The following DSCAML1 variants were observed in gnomAD, a reference collection of about 807,000 sequenced individuals.
DSCAML1 encodes the protein DS cell adhesion molecule like 1.
A neutral mutation model predicts 200.5 loss-of-function variants in DSCAML1; 38 were observed. The observed-to-expected ratio is 0.19, with a 90% CI of 0.15 to 0.25. The LOEUF is 0.25. DSCAML1 is among the 10% of genes least tolerant of loss of function. The pLI is 1.00. For synonymous variants in DSCAML1, 1,215 were observed against 1,165.0 expected, an observed-to-expected ratio of 1.04 and a Z score of -0.87; for missense variants, 2,223 against 2,858.8, an observed-to-expected ratio of 0.78 and a Z score of 5.07.
chr11:117,543,021 G>A (rs760886546), intron 3 of DSCAML1, among the ~76,000 whole-genome samples: 9 of 152,218 alleles, frequency 5.9e-5, no homozygotes, highest in South Asian at 2.1e-4. Context: ...TCATTCTTCC[G>A]ATGGAGGCTT....
At chr11:117,637,940 A>G (rs529272258) in intron 3 of DSCAML1, among the ~76,000 whole-genome samples, 7 of 152,310 alleles carry the variant, frequency 4.6e-5, no homozygotes, top group Admixed American at 1.3e-4. Flanking sequence ...ACACCTATCT[A>G]CAAAGCACAG....
intron 3 of DSCAML1, among the ~76,000 whole-genome samples, chr11:117,699,824 C>A (rs1302074730): frequency 6.6e-6 from 1 of 152,246 alleles, no homozygotes; most frequent in African/African-American, 2.4e-5. Context: ...CAAACTGACA[C>A]AGAAGATATC....
At chr11:117,485,009 G>C (rs939990906) in intron 11 of DSCAML1, among the ~76,000 whole-genome samples, 3 of 151,460 alleles carry the variant, frequency 2.0e-5, no homozygotes, top group Non-Finnish European at 2.9e-5. Flanking sequence ...CCTCTGTTCT[G>C]TTCTCCAGGC....
intron 3 of DSCAML1, among the ~76,000 whole-genome samples, chr11:117,628,464 A>C (rs144763120): frequency 7.9e-5 from 12 of 152,298 alleles, no homozygotes; most frequent in African/African-American, 2.6e-4. Flanking sequence ...AAAATGTAAA[A>C]TCCTTTACTA....
intron 11 of DSCAML1, among the ~76,000 whole-genome samples, chr11:117,487,685 C>T (rs901703393): frequency 1.3e-5 from 2 of 152,144 alleles, no homozygotes; most frequent in African/African-American, 4.8e-5. Context: ...CCCTATTTGA[C>T]GAAGGACATT....
intron 3 of DSCAML1, among the ~76,000 whole-genome samples, chr11:117,630,577 C>G (rs1047613328): frequency 5.1e-5 from 7 of 137,902 alleles, no homozygotes; most frequent in African/African-American, 1.9e-4. Context: ...GCCCCACAGC[C>G]TTGAGGATCA....
intron 1 of DSCAML1, among the ~76,000 whole-genome samples, chr11:117,805,729 G>T (rs1365714154): frequency 6.6e-6 from 1 of 152,042 alleles, no homozygotes; most frequent in African/African-American, 2.4e-5. Flanking sequence ...CATTCTTTTG[G>T]CAACTCTGTG....
chr11:117,756,145 C>T (rs901517893), intron 3 of DSCAML1, among the ~76,000 whole-genome samples: 3 of 152,316 alleles, frequency 2.0e-5, no homozygotes, highest in African/African-American at 2.4e-5. Flanking sequence ...TGGCTCAGGG[C>T]CCTTTTCTGT....
chr11:117,689,214 G>C (rs2053456469), intron 3 of DSCAML1, among the ~76,000 whole-genome samples: 1 of 152,222 alleles, frequency 6.6e-6, no homozygotes, highest in Admixed American at 6.6e-5. Flanking sequence ...AAACGTTTAA[G>C]GGACGCATAC....
chr11:117,687,470 T>C (rs901294619), intron 3 of DSCAML1, among the ~76,000 whole-genome samples: 4 of 149,570 alleles, frequency 2.7e-5, no homozygotes, highest in Admixed American at 6.7e-5. Flanking sequence ...CTCGCTATTT[T>C]GCCCAGGCTG....
At chr11:117,453,698 A>T (rs1202476099) in intron 19 of DSCAML1, among the ~76,000 whole-genome samples, 2 of 148,010 alleles carry the variant, frequency 1.4e-5, no homozygotes, top group African/African-American at 5.0e-5. Context: ...TTTCTTTATC[A>T]GCTTTAATAT....
rs552046241 is a variant in DSCAML1 at position 117,437,929 on chromosome 11, G to T, written c.4398C>A (p.Ile1466=). The change falls in exon 25 of 33, where the codon ATC becomes ATA. Residue 1466 remains isoleucine, a synonymous_variant. Coordinates refer to ENST00000651296, the MANE Select transcript of DSCAML1 (RefSeq NM_020693.4). The surrounding 1 kb of genome is among the most constrained non-coding windows in gnomAD (Gnocchi z 5.3). ...AAKNSVGSGR[I]SEIIEAKTHG... ...GGGTCTTGGCCTCGATGATCTCGCT[G>T]ATGCGCCCAGAGCCCACGCTGTTCT... 15 of 1,612,868 alleles carry T rather than the reference G, an allele frequency of 9.3e-6. No individual in the cohort carries two copies. In the South Asian group the frequency reaches 1.5e-4, roughly 17 times the overall value.
rs761872269 is a variant in DSCAML1 at position 117,428,600 on chromosome 11, C to T, written c.5890G>A (p.Ala1964Thr). 8.7e-6 allele frequency: 14 copies of T among 1,600,596 alleles called. No homozygotes were observed. The East Asian group carries it at 1.8e-4, about 21-fold the overall frequency. The change falls in exon 33 of 33, where the codon GCC becomes ACC. Residue 1964 changes from alanine (A) to threonine (T), a missense_variant. Around this residue, in one of 7 missense-constraint regions of DSCAML1, gnomAD observed 280 missense variants for 213.4 expected, o/e 1.31. Coordinates refer to ENST00000651296, the MANE Select transcript of DSCAML1 (RefSeq NM_020693.4). The stretch of plus-strand genomic sequence containing the variant: ...CTCTGAGGTAAGGTGGCTGTGGAGG[C>T]GGCAGCGGGGGCCCCTGGGTGGGGA... ...GLPHPGAPAA[A>T]STATLPQRTL...
chr11:117,460,387 C>A (rs1301134016), intron 18 of DSCAML1, among the ~76,000 whole-genome samples: 1 of 151,950 alleles, frequency 6.6e-6, no homozygotes, highest in Admixed American at 6.6e-5. Flanking sequence ...GGAGAGGGGA[C>A]CGTAGTAGCG....
Position 117,769,552 on chromosome 11 carries a change from A to ATATATTATATATATTTTATATATATTT in DSCAML1, c.511+7238_511+7239insAAATATATATAAAATATATATAATATA, listed in dbSNP as rs71037497. On this transcript the variant is annotated intron_variant, in intron 3 of 32. Coordinates refer to ENST00000651296, the MANE Select transcript of DSCAML1 (RefSeq NM_020693.4). ...ATTTTATATATATTATATATTTTAT[A>ATATATTATATATATTTTATATATATTT]TATATATTTTATATATATTATATAT... 3.7e-3 allele frequency among the ~76,000 whole-genome samples: 248 copies of ATATATTATATATATTTTATATATATTT among 67,846 alleles called. 28 individuals carry two copies. Among genetic ancestry groups the ATATATTATATATATTTTATATATATTT allele is most frequent in the African/African-American group, 9.2e-3 (103 of 11,164 alleles). 44.5% of individuals were successfully genotyped at this position (67,846 alleles called of 152,430 possible).
chr11:117,653,859 A>G (rs1271740043), intron 3 of DSCAML1, among the ~76,000 whole-genome samples: 1 of 152,158 alleles, frequency 6.6e-6, no homozygotes, highest in Non-Finnish European at 1.5e-5. Flanking sequence ...TGGCCATAAG[A>G]AGGAATAAAG....
chr11:117,739,165 T>C (rs1328588613), intron 3 of DSCAML1, among the ~76,000 whole-genome samples: 2 of 152,208 alleles, frequency 1.3e-5, no homozygotes, highest in Non-Finnish European at 2.9e-5. Flanking sequence ...GGTGAGAAGA[T>C]ATGCCTATAT....
Position 117,627,715 on chromosome 11 carries a change from G to A in DSCAML1, c.512-95193C>T, listed in dbSNP as rs138675074. Among the ~76,000 whole-genome samples the A allele has an allele frequency of 1.9e-3, 291 of 152,210 alleles. 2 individuals carry two copies. The highest frequency in any genetic ancestry group is 6.3e-3 in the African/African-American group (262 of 41,526). On this transcript the variant is annotated intron_variant, in intron 3 of 32. Transcript: ENST00000651296. Reference sequence around the variant, plus strand: ...ATGATCTCACAGAAGTTTTGAAGGCGGTTCCAACACCTTCATTTTGGAGTT... The same window carrying A: ...ATGATCTCACAGAAGTTTTGAAGGCAGTTCCAACACCTTCATTTTGGAGTT...
At chr11:117,692,573 C>T (rs2053515570) in intron 3 of DSCAML1, among the ~76,000 whole-genome samples, 1 of 152,102 alleles carries the variant, frequency 6.6e-6, no homozygotes, top group African/African-American at 2.4e-5. Flanking sequence ...AAAATGTATG[C>T]AGACACGTAG....
Sources: gnomAD v4.1 joint callset for allele counts (sites outside exome capture counted in the v4.1 genomes callset) on GRCh38, gnomAD v4.1.1 for gene constraint, gnomAD v4.1.1 regional missense constraint, Gnocchi (gnomAD v3.1) non-coding constraint, MANE v1.5 for transcripts, NCBI Gene and HGNC (gene_info 2026-07-23, HGNC 2026-07-21) for gene names.